Variants in PINLYP observed in about 807,000 individuals in gnomAD.
PINLYP encodes the protein phospholipase A2 inhibitor and Ly6/PLAUR domain-containing protein.
In PINLYP, 12 loss-of-function variants were observed where a neutral mutation model predicts 15.8. The ratio of observed to expected loss-of-function variants is 0.76; its 90% CI spans 0.49 to 1.23. PINLYP has a LOEUF of 1.23. PINLYP is among the 50% of genes most tolerant of loss of function. The pLI is 0.00. For synonymous variants in PINLYP, 93 were observed against 97.7 expected, an observed-to-expected ratio of 0.95 and a Z score of 0.28; for missense variants, 278 against 264.2, an observed-to-expected ratio of 1.05 and a Z score of -0.36.
rs1023464409 is a variant in PINLYP, at chr19:43,577,341, G to T, written c.70+80G>T. The T allele has an allele frequency of 1.2e-5, 17 of 1,403,364 alleles. No individual in the cohort carries two copies. In the African/African-American group the frequency reaches 1.7e-4, roughly 14 times the overall value. The allele number at this position is 1,403,364 out of a possible 1,614,324, so 86.9% of individuals were successfully genotyped here. ...AGATTGAGAGAGAGAGAGATATAGA[G>T]AGAGAAAGAGCCTTCAGCAAGTCCT... On this transcript the variant is annotated intron_variant, in intron 2 of 5. Coordinates refer to ENST00000599207, the Ensembl canonical transcript of PINLYP.
exon 6 of PINLYP, chr19:43,582,025 T>C (rs1568523676): frequency 6.5e-7 from 1 of 1,535,030 alleles, no homozygotes; most frequent in Non-Finnish European, 8.7e-7. Context: ...CAGAGGAAGA[T>C]AATGTAGTGT....
chr19:43,581,948 A>G, exon 6 of PINLYP: 1 of 1,536,428 alleles, frequency 6.5e-7, no homozygotes, highest in Non-Finnish European at 8.7e-7. Flanking sequence ...TGAAGTACCC[A>G]CAGGCACCAA....
Position 43,582,081 on chromosome 19 carries a change from A to T in PINLYP, c.*80A>T, listed in dbSNP as rs192611297. 10 of 1,481,630 alleles carry T rather than the reference A, an allele frequency of 6.7e-6. No homozygotes were observed. In the African/African-American group the frequency reaches 1.4e-4, roughly 21 times the overall value. The allele number at this position is 1,481,630 out of a possible 1,614,324, so 91.8% of individuals were successfully genotyped here. A position where few individuals can be genotyped will look rare whatever the true frequency, so the allele number is the denominator to read the frequency against. On this transcript the variant is annotated 3_prime_UTR_variant, in exon 6 of 6. Transcript: ENST00000599207. Reference sequence around the variant, plus strand: ...GCCTGTAACTCCCCGTGTGCCTATAAAGAAGTTAATAGAGCAAGCCTGAGT... The same window carrying T: ...GCCTGTAACTCCCCGTGTGCCTATATAGAAGTTAATAGAGCAAGCCTGAGT...
In PINLYP at chr19:43,579,127, A is replaced by G. The variant is rs778544031; in HGVS notation, c.187+421A>G. Reference sequence around the variant, plus strand: ...TGGGAAAGTGTAAGTGTAATCAGGGAAGAGGTCATTCCTGACCGAGGGAGG... The same window carrying G: ...TGGGAAAGTGTAAGTGTAATCAGGGGAGAGGTCATTCCTGACCGAGGGAGG... On this transcript the variant is annotated intron_variant, in intron 3 of 5. Transcript: ENST00000599207. 2.5e-4 allele frequency: 56 copies of G among 223,848 alleles called. 1 individual carries two copies. The highest frequency in any genetic ancestry group is 6.8e-4 in the Admixed American group (13 of 19,086). 13.9% of individuals were successfully genotyped at this position (223,848 alleles called of 1,614,324 possible).
chr19:43,580,515 G>C (rs1224705486), intron 3 of PINLYP: 1 of 985,864 alleles, frequency 1.0e-6, no homozygotes, highest in Non-Finnish European at 1.2e-6. Flanking sequence ...GCGGGGGTTG[G>C]CGGGGAGTTG....
intron 3 of PINLYP, chr19:43,580,467 G>T (rs1401664813): frequency 1.1e-6 from 1 of 936,538 alleles, no homozygotes; most frequent in African/African-American, 1.8e-5. Context: ...GATGCCTGTT[G>T]CTGGGACCGG....
rs1298675380 is a variant in PINLYP at position 43,581,273 on chromosome 19, C to G, written c.249C>G (p.Gly83=). 2.6e-6 allele frequency: 4 copies of G among 1,537,108 alleles called. No homozygotes were observed. In the South Asian group the frequency reaches 4.8e-5, roughly 18 times the overall value. Residue 83 remains glycine, a synonymous_variant, in exon 4 of 6, where the codon GGC becomes GGG. Coordinates refer to ENST00000599207, the Ensembl canonical transcript of PINLYP. ...TCAGGTCCCAGGACTGCTACTCCGG[C>G]GTTATATCCACCACCATGGGCCCCA...
rs751392868 is a variant in PINLYP at position 43,578,678 on chromosome 19, T to A, written c.159T>A (p.Cys53Ter). 6.5e-7 allele frequency: 1 copy of A among 1,535,896 alleles called. No individual in the cohort carries two copies. Among genetic ancestry groups the A allele is most frequent in the South Asian group, 1.2e-5 (1 of 84,058 alleles). ...CCTGCAGCAGTGACAAGGACACATG[T>A]GTGCTCCTGGTCGGGAAGGCTACTT... Residue 53 changes from cysteine (C) to a stop codon, truncating the protein, a stop_gained, in exon 3 of 6, where the codon TGT becomes TGA. Transcript: ENST00000599207. LOFTEE classifies it high-confidence loss of function.
At chr19:43,577,327 G>A (rs1972878539) in intron 2 of PINLYP, 66 bp downstream of exon 2, 2 of 1,479,432 alleles carry the variant, frequency 1.4e-6, no homozygotes, top group Admixed American at 2.2e-5. Flanking sequence ...GATTGAGAGA[G>A]AGAGAGATAT....
At chr19:43,578,340 G>C (rs1463284829) in intron 2 of PINLYP, among the ~76,000 whole-genome samples, 2 of 152,180 alleles carry the variant, frequency 1.3e-5, no homozygotes, top group Admixed American at 6.5e-5. Flanking sequence ...AAAATCCCCA[G>C]CCATGTAATT....
chr19:43,580,621 C>T, intron 3 of PINLYP: 1 of 11,802 alleles, frequency 8.5e-5, no homozygotes, highest in South Asian at 3.3e-3. Context: ...GAGGGGTGGC[C>T]GTGGGTGGGG....
upstream of PINLYP, chr19:43,575,553 C>A (rs1376191872): frequency 3.6e-6 from 5 of 1,393,838 alleles, no homozygotes; most frequent in African/African-American, 1.5e-5. Flanking sequence ...GCGCCCTGCG[C>A]TGGCTAAAGT....
intron 3 of PINLYP, chr19:43,578,967 A>C: frequency 2.6e-6 from 1 of 389,902 alleles, no homozygotes; most frequent in Non-Finnish European, 4.9e-6. Context: ...GTGAGAGTTA[A>C]TAGACTTTCT....
At chr19:43,576,172 G>T (rs545798816) in exon 1 of PINLYP, among the ~76,000 whole-genome samples, 1 of 152,238 alleles carries the variant, frequency 6.6e-6, no homozygotes, top group South Asian at 2.1e-4. Flanking sequence ...ACCTGCCTCG[G>T]CCTCTCAAAG....
At chr19:43,576,855 A>C in exon 1 of PINLYP, 2 of 283,614 alleles carry the variant, frequency 7.1e-6, no homozygotes, top group African/African-American at 2.2e-5. Context: ...GCCACTGGGA[A>C]TCAAGAGGCC....
At chr19:43,577,124 G>C in exon 2 of PINLYP, 3 of 1,535,770 alleles carry the variant, frequency 2.0e-6, no homozygotes, top group Non-Finnish European at 2.6e-6. Context: ...GGGTGAATGT[G>C]GGTCCAGACC....
rs568066232 is a variant in PINLYP at position 43,580,405 on chromosome 19, G to C, written c.188-807G>C. 84 of 446,148 alleles carry C rather than the reference G, an allele frequency of 1.9e-4. No homozygotes were observed. In the South Asian group the frequency reaches 4.4e-3, roughly 23 times the overall value. 27.6% of individuals were successfully genotyped at this position (446,148 alleles called of 1,614,324 possible). On this transcript the variant is annotated intron_variant, in intron 3 of 5. Coordinates refer to ENST00000599207, the Ensembl canonical transcript of PINLYP. Reference sequence around the variant, plus strand: ...AAAATAGCCAAGAGGGGCAGCAAGAGACCCTCGTTGGGAGGTCTGAGGAGT... The same window carrying C: ...AAAATAGCCAAGAGGGGCAGCAAGACACCCTCGTTGGGAGGTCTGAGGAGT...
At chr19:43,577,549 G>C (rs929443550) in intron 2 of PINLYP, among the ~76,000 whole-genome samples, 1 of 151,324 alleles carries the variant, frequency 6.6e-6, no homozygotes, top group South Asian at 2.1e-4. Context: ...TCAATTCTAG[G>C]AAATCAGATG....
In PINLYP at chr19:43,578,581, A is replaced by G; in HGVS notation, c.71-9A>G. ...ATGACTACAGCCTCGCCCTCTGTCT[A>G]CACTGCAGGGTGCCCACTACACTGC... On this transcript the variant is annotated splice_polypyrimidine_tract_variant and intron_variant, in intron 2 of 5. Transcript: ENST00000599207. 6.5e-7 allele frequency: 1 copy of G among 1,533,360 alleles called. No individual in the cohort carries two copies. The highest frequency in any genetic ancestry group is 1.7e-4 in the Middle Eastern group (1 of 5,888). The allele number at this position is 1,533,360 out of a possible 1,614,324, so 95.0% of individuals were successfully genotyped here. A position where few individuals can be genotyped will look rare whatever the true frequency, so the allele number is the denominator to read the frequency against.
Sources: gnomAD v4.1 joint callset for allele counts (sites outside exome capture counted in the v4.1 genomes callset) on GRCh38, gnomAD v4.1.1 for gene constraint, MANE v1.5 for transcripts, NCBI Gene and HGNC (gene_info 2026-07-23, HGNC 2026-07-21) for gene names.